WARS1: variants seen among roughly 807,000 people sequenced by gnomAD.
WARS1 encodes tryptophan--tRNA ligase, cytoplasmic.
A neutral mutation model predicts 47.8 loss-of-function variants in WARS1; 17 were observed. The ratio of observed to expected loss-of-function variants is 0.36; its 90% CI spans 0.24 to 0.53. The LOEUF is 0.53. Among genes scored for constraint, WARS1 ranks in the 20% least tolerant of loss-of-function variants. The probability of loss-of-function intolerance (pLI) is 0.91; values close to 1 mark genes in which losing one functional copy is unlikely to be tolerated. For synonymous variants in WARS1, 208 were observed against 228.1 expected, an observed-to-expected ratio of 0.91 and a Z score of 0.79; for missense variants, 434 against 608.0, an observed-to-expected ratio of 0.71 and a Z score of 3.01.
intron 4 of WARS1, among the ~76,000 whole-genome samples, chr14:100,359,237 T>C (rs556663957): frequency 2.0e-5 from 3 of 152,338 alleles, no homozygotes; most frequent in Admixed American, 6.5e-5. Flanking sequence ...AGCAGCATTG[T>C]TGATAACCAA....
At chr14:100,370,408 A>G (rs564082222) in intron 1 of WARS1, 17 of 152,342 alleles carry the variant, frequency 1.1e-4, no homozygotes, top group African/African-American at 4.1e-4. Flanking sequence ...GCATGGTAGC[A>G]CTTTGTAAAC....
At chr14:100,351,423 G>A (rs1040723922) in intron 6 of WARS1, among the ~76,000 whole-genome samples, 3 of 150,588 alleles carry the variant, frequency 2.0e-5, no homozygotes, top group South Asian at 2.1e-4. Flanking sequence ...AGGCTGAGGC[G>A]GGGAGGATCA....
Position 100,354,203 on chromosome 14 carries a change from A to AGGGAGCAGGATGAGAAG in WARS1, c.542+227_542+243dup, listed in dbSNP as rs1666162141. The AGGGAGCAGGATGAGAAG allele has an allele frequency of 5.2e-5, 27 of 524,106 alleles. No individual in the cohort carries two copies. In the South Asian group the frequency reaches 6.0e-4, roughly 12 times the overall value. The allele number at this position is 524,106 out of a possible 1,614,324, so 32.5% of individuals were successfully genotyped here. A position where few individuals can be genotyped will look rare whatever the true frequency, so the allele number is the denominator to read the frequency against. On this transcript the variant is annotated intron_variant, in intron 5 of 10. Transcript: ENST00000392882. ...GTAGCAGGCCCATGGCCATGCAGACAGGGAGCAGGATGAGAAGAGGAGCAG... is the reference window on the plus strand; with the variant it reads ...GTAGCAGGCCCATGGCCATGCAGACAGGGAGCAGGATGAGAAGGGGAGCAGGATGAGAAGAGGAGCAG...
chr14:100,368,367 T>C, intron 2 of WARS1: 2 of 455,278 alleles, frequency 4.4e-6, no homozygotes, highest in South Asian at 1.6e-5. Flanking sequence ...AGTGTACAGA[T>C]ACTGACCTAA....
chr14:100,366,232 C>T (rs1309174246), intron 2 of WARS1, among the ~76,000 whole-genome samples: 2 of 152,150 alleles, frequency 1.3e-5, no homozygotes, highest in African/African-American at 2.4e-5. Context: ...ACTCTGGCAG[C>T]GGGACTCACC....
chr14:100,340,011 A>G (rs1199671503), intron 9 of WARS1: 1 of 152,172 alleles, frequency 6.6e-6, no homozygotes, highest in Non-Finnish European at 1.5e-5. Context: ...GGGTTATGAC[A>G]TGCATTTTAT....
chr14:100,339,236 T>A (rs1259428675), intron 9 of WARS1, among the ~76,000 whole-genome samples: 1 of 152,142 alleles, frequency 6.6e-6, no homozygotes, highest in Admixed American at 6.5e-5. Context: ...GTCTCCATTT[T>A]GGCAGGGCAT....
intron 4 of WARS1, among the ~76,000 whole-genome samples, chr14:100,357,919 T>C (rs1442638495): frequency 6.6e-6 from 1 of 151,936 alleles, no homozygotes; most frequent in Non-Finnish European, 1.5e-5. Flanking sequence ...ATGAAAGAAA[T>C]CAAAGAAGTG....
At chr14:100,352,399 T>C (rs1427045565) in intron 6 of WARS1, among the ~76,000 whole-genome samples, 1 of 152,184 alleles carries the variant, frequency 6.6e-6, no homozygotes, top group South Asian at 2.1e-4. Context: ...ATTACAGGCA[T>C]GAGCCACCGC....
chr14:100,366,931 C>T, intron 2 of WARS1: 1 of 1,597,870 alleles, frequency 6.3e-7, no homozygotes, highest in Non-Finnish European at 8.6e-7. Context: ...GAAGATAATA[C>T]CTGGAAGTAT....
intron 3 of WARS1, 53 bp from the exon 4 acceptor site, chr14:100,360,715 G>T: frequency 7.5e-7 from 1 of 1,330,400 alleles, no homozygotes; most frequent in Non-Finnish European, 1.1e-6. Context: ...TTAGTGATCA[G>T]ATATTACTGA....
chr14:100,343,211 AGAGTAAGAGGAACCT>A, intron 8 of WARS1, 49 bp downstream of exon 8: 1 of 1,387,802 alleles, frequency 7.2e-7, no homozygotes, highest in Admixed American at 2.1e-5. Flanking sequence ...TCCCCGCTGA[AGAGTAAGAGGAACCT>A]GCTGTCAATG....
intron 2 of WARS1, among the ~76,000 whole-genome samples, chr14:100,365,005 A>G (rs1895869346): frequency 6.6e-6 from 1 of 151,950 alleles, no homozygotes; most frequent in Admixed American, 6.6e-5. Flanking sequence ...AGTGGCTTGC[A>G]TCTATAATTC....
chr14:100,335,009 C>T lies in WARS1; in HGVS notation c.1282G>A (p.Gly428Ser), dbSNP rs773270850. The T allele has an allele frequency of 2.2e-5, 36 of 1,613,910 alleles. No homozygotes were observed. Among genetic ancestry groups the T allele is most frequent in the Middle Eastern group, 3.3e-4 (2 of 6,082 alleles). The change falls in exon 11 of 11, where the codon GGT becomes AGT. Residue 428 changes from glycine to serine, a missense_variant. Physicochemically the swap from Gly to Ser is moderately conservative, Grantham distance 56 (BLOSUM62 0). Transcript: ENST00000392882. Reference sequence around the variant, plus strand: ...TCTATGAGTGCCTTCTTGAGCTCACCGGTGAGCATGGCTCCGCTGGTGTAA... The same window carrying T: ...TCTATGAGTGCCTTCTTGAGCTCACTGGTGAGCATGGCTCCGCTGGTGTAA... ...KDYTSGAMLT[G>S]ELKKALIEVL...
At chr14:100,345,006 TCAGCCCCCCGCCCGGCCAGCCGCCCCG>T (rs1894475482) in intron 7 of WARS1, among the ~76,000 whole-genome samples, 1 of 135,356 alleles carries the variant, frequency 7.4e-6, no homozygotes. Context: ...AGTGGGGGGG[TCAGCCCCCCGCCCGGCCAGCCGCCCCG>T]TCCGGGAGGG....
At chr14:100,374,059 G>A (rs201823085) in intron 1 of WARS1, 2 of 152,144 alleles carry the variant, frequency 1.3e-5, no homozygotes, top group East Asian at 3.8e-4. Context: ...TGGAGTTCAG[G>A]AACATCTGAA....
chr14:100,345,981 G>A (rs1278215184), intron 7 of WARS1, among the ~76,000 whole-genome samples: 1 of 152,220 alleles, frequency 6.6e-6, no homozygotes, highest in African/African-American at 2.4e-5. Context: ...TCCTCACGGA[G>A]AGCCCCGGCA....
intron 2 of WARS1, chr14:100,368,306 A>G (rs553884194): frequency 1.3e-5 from 5 of 389,458 alleles, no homozygotes; most frequent in East Asian, 1.5e-4. Context: ...TACTCATTCT[A>G]TCCGTGATGG....
chr14:100,364,251 A>G (rs921793673), intron 2 of WARS1, among the ~76,000 whole-genome samples: 7 of 152,234 alleles, frequency 4.6e-5, no homozygotes, highest in Non-Finnish European at 1.0e-4. Context: ...AAGACCTAGC[A>G]TTGCTTCTTT....
Sources: allele counts gnomAD v4.1 joint callset (sites outside exome capture counted in the v4.1 genomes callset), GRCh38; gene constraint gnomAD v4.1.1; transcripts MANE v1.5; gene names NCBI Gene and HGNC (gene_info 2026-07-23, HGNC 2026-07-21).